Variants in WDR19 observed in about 807,000 individuals in gnomAD.
WDR19 encodes WD repeat-containing protein 19.
Under a neutral mutation model 180.0 loss-of-function variants are expected in WDR19, and 121 were observed. That is an observed-to-expected ratio of 0.67 (90% CI 0.58 to 0.78). WDR19 has a LOEUF of 0.78. WDR19 is among the 30% of genes least tolerant of loss of function. The pLI, the probability that WDR19 is intolerant of heterozygous loss-of-function variation, is 0.00. For synonymous variants in WDR19, 497 were observed against 540.7 expected, an observed-to-expected ratio of 0.92 and a Z score of 1.12; for missense variants, 1,450 against 1,640.7, an observed-to-expected ratio of 0.88 and a Z score of 2.01.
chr4:39,259,218 GT>G (rs1421065600), intron 28 of WDR19, among the ~76,000 whole-genome samples: 2 of 152,168 alleles, frequency 1.3e-5, no homozygotes, highest in Non-Finnish European at 2.9e-5. Context: ...TAAGGTAGGG[GT>G]CAAGGATATT....
chr4:39,283,452 T>TTTA (rs1736786840), intron 36 of WDR19, among the ~76,000 whole-genome samples: 1 of 152,160 alleles, frequency 6.6e-6, no homozygotes, highest in African/African-American at 2.4e-5. Context: ...TTACTTGTTT[T>TTTA]TTATTTGTCC....
intron 4 of WDR19, among the ~76,000 whole-genome samples, chr4:39,190,682 T>A (rs1425882044): frequency 1.3e-5 from 2 of 152,328 alleles, no homozygotes; most frequent in South Asian, 2.1e-4. Flanking sequence ...CAGGATCAGA[T>A]ACAACCTAGT....
intron 4 of WDR19, among the ~76,000 whole-genome samples, chr4:39,193,219 T>C (rs1180589584): frequency 1.3e-5 from 2 of 151,202 alleles, no homozygotes; most frequent in African/African-American, 2.4e-5. Context: ...TGGAGTGCAG[T>C]GGCGCAATCT....
intron 2 of WDR19, 77 bp downstream of exon 2, chr4:39,185,894 TTG>T: frequency 1.5e-5 from 17 of 1,111,972 alleles, no homozygotes; most frequent in South Asian, 7.2e-5. Context: ...GAAGTTTTTT[TTG>T]TTGTTGTTTT....
chr4:39,191,391 A>G (rs2109255378), intron 4 of WDR19, among the ~76,000 whole-genome samples: 1 of 152,306 alleles, frequency 6.6e-6, no homozygotes, highest in Admixed American at 6.5e-5. Context: ...AGGTTTTATA[A>G]AATTTATCTG....
chr4:39,197,425 C>CAAAA (rs11343008), intron 5 of WDR19, among the ~76,000 whole-genome samples: 5 of 113,348 alleles, frequency 4.4e-5, no homozygotes, highest in African/African-American at 1.0e-4. Flanking sequence ...GACTCTATCT[C>CAAAA]AAAAAAAAAA....
At chr4:39,197,168 C>T (rs1316073794) in intron 5 of WDR19, among the ~76,000 whole-genome samples, 2 of 152,020 alleles carry the variant, frequency 1.3e-5, no homozygotes, top group Non-Finnish European at 2.9e-5. Flanking sequence ...GTGGCTCATC[C>T]CTGTAATTCC....
intron 36 of WDR19, among the ~76,000 whole-genome samples, chr4:39,283,738 A>G (rs1001453789): frequency 3.3e-5 from 5 of 152,214 alleles, no homozygotes; most frequent in Non-Finnish European, 7.3e-5. Flanking sequence ...ACCCACATTT[A>G]TAATTTCCAT....
chr4:39,259,483 A>G (rs1578014375), intron 28 of WDR19, among the ~76,000 whole-genome samples: 1 of 152,208 alleles, frequency 6.6e-6, no homozygotes, highest in East Asian at 1.9e-4. Flanking sequence ...GACATTTTAT[A>G]TAAATGGAAC....
At chr4:39,278,060 A>C (rs1736080802) in intron 34 of WDR19, 71 bp from the exon 35 acceptor site, 2 of 1,405,214 alleles carry the variant, frequency 1.4e-6, no homozygotes, top group Non-Finnish European at 2.0e-6. Context: ...TCAAAAAAAA[A>C]AAAAAAATTG....
chr4:39,205,311 G>T, intron 8 of WDR19, 45 bp downstream of exon 8: 2 of 1,469,458 alleles, frequency 1.4e-6, no homozygotes, highest in East Asian at 2.4e-5. Context: ...CATTACAGAA[G>T]GACATCTGTA....
Position 39,199,467 on chromosome 4 carries a change from C to T in WDR19, c.407-11C>T. ...ATCCACATGTCTGTATAAAAATAAT[C>T]TCTTTTTCAGGAAAACATACTAAGA... On this transcript the variant is annotated splice_polypyrimidine_tract_variant and intron_variant, in intron 5 of 36. Transcript: ENST00000399820. The T allele has an allele frequency of 6.2e-7, 1 of 1,604,206 alleles. No homozygotes were observed. Among genetic ancestry groups the T allele is most frequent in the Non-Finnish European group, 8.5e-7 (1 of 1,173,176 alleles).
chr4:39,250,994 C>A (rs1423296484), intron 24 of WDR19, among the ~76,000 whole-genome samples: 4 of 152,006 alleles, frequency 2.6e-5, no homozygotes, highest in African/African-American at 7.2e-5. Flanking sequence ...TCTTCACAGA[C>A]TTGGAAAAAA....
chr4:39,269,880 A>G (rs1735171774), intron 30 of WDR19, 96 bp from the exon 31 acceptor site: 1 of 1,470,754 alleles, frequency 6.8e-7, no homozygotes, highest in Non-Finnish European at 9.3e-7. Flanking sequence ...ATTACTAATA[A>G]CAAGATTAAC....
At chr4:39,188,006 A>G (rs927381809) in intron 3 of WDR19, among the ~76,000 whole-genome samples, 2 of 152,246 alleles carry the variant, frequency 1.3e-5, no homozygotes, top group African/African-American at 4.8e-5. Context: ...AAATAAAATA[A>G]TTGAAGTAAT....
chr4:39,276,982 A>G, intron 33 of WDR19, 38 bp from the exon 34 acceptor site: 1 of 1,610,684 alleles, frequency 6.2e-7, no homozygotes, highest in Non-Finnish European at 8.5e-7. Flanking sequence ...GTACATGAAT[A>G]AAACGGCATT....
At chr4:39,191,083 A>G (rs972509819) in intron 4 of WDR19, among the ~76,000 whole-genome samples, 1 of 152,226 alleles carries the variant, frequency 6.6e-6, no homozygotes, top group African/African-American at 2.4e-5. Flanking sequence ...ATGGCCAGGC[A>G]TAAAATTAAG....
intron 9 of WDR19, among the ~76,000 whole-genome samples, chr4:39,211,685 A>G (rs1282820246): frequency 6.6e-6 from 1 of 152,164 alleles, no homozygotes; most frequent in East Asian, 1.9e-4. Flanking sequence ...AAAGAAACTG[A>G]ACTGCTTAAG....
At chr4:39,252,574 A>C (rs35494908) in intron 24 of WDR19, among the ~76,000 whole-genome samples, 51,503 of 151,816 alleles carry the variant, frequency 0.34, 8,898 homozygotes, top group African/African-American at 0.39. Context: ...TAGCCTCTGG[A>C]AATTAACTTA....
Sources: gnomAD v4.1 joint callset for allele counts (sites outside exome capture counted in the v4.1 genomes callset) on GRCh38, gnomAD v4.1.1 for gene constraint, MANE v1.5 for transcripts, NCBI Gene and HGNC (gene_info 2026-07-23, HGNC 2026-07-21) for gene names.